The following FSHR variants were observed in gnomAD, a reference collection of about 807,000 sequenced individuals.
FSHR encodes follicle-stimulating hormone receptor.
In FSHR, 46 loss-of-function variants were observed where a neutral mutation model predicts 52.1. The ratio of observed to expected loss-of-function variants is 0.88; its 90% confidence interval spans 0.70 to 1.13. The LOEUF (loss-of-function observed/expected upper bound fraction) is 1.13. Among genes scored for constraint, FSHR ranks in the 50% most tolerant of loss-of-function variants. FSHR has a pLI of 0.00. For missense variants in FSHR, 964 were observed against 834.6 expected (o/e 1.16, Z -1.91); for synonymous variants, 399 against 309.6 (o/e 1.29, Z -3.03).
At chr2:48,979,261 A>T (rs892951326) in intron 8 of FSHR, among the ~76,000 whole-genome samples, 1 of 152,100 alleles carries the variant, frequency 6.6e-6, no homozygotes, top group African/African-American at 2.4e-5. Context: ...CCTTGGCAAC[A>T]TAGTGAGACC....
Position 49,068,291 on chromosome 2 carries a change from C to T in FSHR, c.153-1G>A. The T allele has an allele frequency of 6.2e-7, 1 of 1,610,676 alleles. No homozygotes were observed. Among genetic ancestry groups the T allele is most frequent in the Middle Eastern group, 1.7e-4 (1 of 6,042 alleles). ...TCGAAGCTTGGTGAGGACAAACCTCCTGCAAAGAGAGTAGAAATAAAATAT... is the reference window on the plus strand; with the variant it reads ...TCGAAGCTTGGTGAGGACAAACCTCTTGCAAAGAGAGTAGAAATAAAATAT... On this transcript the variant is annotated splice_acceptor_variant, in intron 1 of 9. Transcript: ENST00000406846. LOFTEE classifies it high-confidence loss of function.
chr2:48,973,266 A>ACACACATGCACACG (rs146365090), intron 8 of FSHR, among the ~76,000 whole-genome samples: 3 of 151,016 alleles, frequency 2.0e-5, no homozygotes, highest in African/African-American at 4.9e-5. Flanking sequence ...ACACACACAC[A>ACACACATGCACACG]CACATGCACA....
At chr2:48,964,078 T>TTC (rs1674363540) in intron 9 of FSHR, 112 bp from the exon 10 acceptor site, 1 of 1,110,706 alleles carries the variant, frequency 9.0e-7, no homozygotes, top group African/African-American at 1.6e-5. Context: ...ATTTTTTTTT[T>TTC]TTCTTCTCAC....
chr2:49,007,692 C>A (rs193117928), intron 4 of FSHR, among the ~76,000 whole-genome samples: 4 of 152,082 alleles, frequency 2.6e-5, no homozygotes, highest in South Asian at 4.2e-4. Context: ...GTTACAGAGG[C>A]CTTCAAAACA....
At chr2:49,006,004 T>C (rs182398449) in intron 4 of FSHR, among the ~76,000 whole-genome samples, 2 of 152,218 alleles carry the variant, frequency 1.3e-5, no homozygotes, top group Admixed American at 6.5e-5. Flanking sequence ...AAGATTAGAC[T>C]GGCTTAGCCT....
chr2:49,140,329 C>T (rs932332600), intron 1 of FSHR, among the ~76,000 whole-genome samples: 1 of 152,000 alleles, frequency 6.6e-6, no homozygotes, highest in African/African-American at 2.4e-5. Context: ...CACCCATTCT[C>T]TCTCTTGCTC....
At chr2:49,119,693 C>T (rs1477173150) in intron 1 of FSHR, among the ~76,000 whole-genome samples, 1 of 152,146 alleles carries the variant, frequency 6.6e-6, no homozygotes, top group Non-Finnish European at 1.5e-5. Context: ...CTTGGACACG[C>T]TCCCTTTGCA....
chr2:48,980,439 TG>T (rs1675196572), intron 8 of FSHR, among the ~76,000 whole-genome samples: 1 of 152,176 alleles, frequency 6.6e-6, no homozygotes, highest in South Asian at 2.1e-4. Flanking sequence ...GCGTTCACAG[TG>T]GGGCTAGATG....
intron 2 of FSHR, among the ~76,000 whole-genome samples, chr2:49,051,033 G>C (rs1010482320): frequency 1.3e-5 from 2 of 152,028 alleles, no homozygotes; most frequent in African/African-American, 4.8e-5. Flanking sequence ...ATGCTTTTGA[G>C]AGATTTATCC....
chr2:49,035,377 T>C (rs1240011484), intron 2 of FSHR, among the ~76,000 whole-genome samples: 2 of 152,220 alleles, frequency 1.3e-5, no homozygotes, highest in African/African-American at 4.8e-5. Flanking sequence ...ATTGGCATTT[T>C]AGGTATGTAT....
intron 2 of FSHR, among the ~76,000 whole-genome samples, chr2:49,050,081 A>G (rs1490049898): frequency 3.3e-5 from 5 of 152,112 alleles, no homozygotes; most frequent in African/African-American, 4.8e-5. Context: ...GAAGCAATAA[A>G]TATAACAAAA....
chr2:49,023,857 T>C (rs945915106), intron 2 of FSHR, among the ~76,000 whole-genome samples: 15 of 152,056 alleles, frequency 9.9e-5, no homozygotes, highest in Admixed American at 4.6e-4. Flanking sequence ...GTACTGGGGG[T>C]TATCAAGGCA....
At chr2:49,042,432 GGCAAT>G (rs1345604039) in intron 2 of FSHR, among the ~76,000 whole-genome samples, 1 of 152,156 alleles carries the variant, frequency 6.6e-6, no homozygotes, top group Non-Finnish European at 1.5e-5. Context: ...GGATCATCAG[GGCAAT>G]GGGATAAGTC....
At chr2:48,969,750 C>A (rs568209106) in intron 8 of FSHR, among the ~76,000 whole-genome samples, 5 of 152,328 alleles carry the variant, frequency 3.3e-5, no homozygotes, top group African/African-American at 1.2e-4. Context: ...GCACAAATGA[C>A]CAGTTTAACC....
chr2:49,073,916 G>C (rs555862028), intron 1 of FSHR, among the ~76,000 whole-genome samples: 1 of 151,982 alleles, frequency 6.6e-6, no homozygotes, highest in Non-Finnish European at 1.5e-5. Flanking sequence ...TTTGACAAAG[G>C]TGTCAAGAAC....
At chr2:49,093,822 C>T (rs1670711970) in intron 1 of FSHR, among the ~76,000 whole-genome samples, 1 of 152,036 alleles carries the variant, frequency 6.6e-6, no homozygotes, top group Non-Finnish European at 1.5e-5. Context: ...GTCTCGAACT[C>T]CTGACCTCAG....
At chr2:48,985,087 G>A (rs980325444) in intron 6 of FSHR, among the ~76,000 whole-genome samples, 2 of 146,768 alleles carry the variant, frequency 1.4e-5, no homozygotes, top group Admixed American at 6.9e-5. Context: ...AAGAGAGGAA[G>A]TACCTATTTG....
chr2:48,982,770 A>T (rs1675309666), intron 8 of FSHR, 142 bp downstream of exon 8: 10 of 748,806 alleles, frequency 1.3e-5, no homozygotes, highest in Non-Finnish European at 2.4e-5. Flanking sequence ...AATTGTCTCT[A>T]TAAATTTTTG....
chr2:49,129,195 C>T (rs1043101996), intron 1 of FSHR, among the ~76,000 whole-genome samples: 1 of 152,240 alleles, frequency 6.6e-6, no homozygotes, highest in African/African-American at 2.4e-5. Flanking sequence ...TTGCTCATGT[C>T]ACAGTTGGGT....
Sources: allele counts gnomAD v4.1 joint callset (sites outside exome capture counted in the v4.1 genomes callset), GRCh38; gene constraint gnomAD v4.1.1; transcripts MANE v1.5; gene names NCBI Gene and HGNC (gene_info 2026-07-23, HGNC 2026-07-21).